The following RORA variants were observed in gnomAD, a reference collection of about 807,000 sequenced individuals.
RORA encodes nuclear receptor ROR-alpha.
RORA carries 7 observed loss-of-function variants against 69.5 expected under a neutral mutation model. That is an observed-to-expected ratio of 0.10 (90% CI 0.06 to 0.19). RORA has a LOEUF of 0.19. Among genes scored for constraint, RORA ranks in the 10% least tolerant of loss-of-function variants. The pLI is 1.00. For synonymous variants in RORA, 261 were observed against 240.8 expected (o/e 1.08, Z -0.78); for missense variants, 457 against 663.0 (o/e 0.69, Z 3.41).
intron 8 of RORA, among the ~76,000 whole-genome samples, 178 bp from the exon 9 acceptor site, chr15:60,501,247 C>T (rs1235766313): frequency 1.3e-5 from 2 of 152,130 alleles, no homozygotes; most frequent in Admixed American, 6.5e-5. Flanking sequence ...AGTAACATTT[C>T]TACAGTATAA....
intron 1 of RORA, among the ~76,000 whole-genome samples, chr15:61,119,414 C>CAA (rs1260156654): frequency 0.012 from 1,692 of 144,110 alleles, 35 homozygotes; most frequent in African/African-American, 0.04. Context: ...TATACACACA[C>CAA]TATATATATA....
chr15:60,856,318 T>G (rs1363774376), intron 1 of RORA, among the ~76,000 whole-genome samples: 1 of 152,230 alleles, frequency 6.6e-6, no homozygotes, highest in African/African-American at 2.4e-5. Flanking sequence ...CAATATTTTC[T>G]TTTCCTCTCA....
At chr15:61,037,854 G>A (rs531754630) in intron 1 of RORA, among the ~76,000 whole-genome samples, 1 of 152,116 alleles carries the variant, frequency 6.6e-6, no homozygotes, top group African/African-American at 2.4e-5. Context: ...AACTCTGATG[G>A]GGGCAGTCAG....
chr15:60,555,294 G>A (rs1372903927), intron 2 of RORA, among the ~76,000 whole-genome samples: 1 of 152,168 alleles, frequency 6.6e-6, no homozygotes, highest in African/African-American at 2.4e-5. Context: ...GCCTTGCTAA[G>A]TTAAAAGTGT....
At position 61,131,922 on chromosome 15, in the gene RORA, G is replaced by A. The variant is rs1408422429; in HGVS notation, c.166+97131C>T. Among the ~76,000 whole-genome samples the A allele has an allele frequency of 2.0e-5, 3 of 152,218 alleles. No homozygotes were observed. Among genetic ancestry groups the A allele is most frequent in the African/African-American group, 7.2e-5 (3 of 41,460 alleles). The stretch of plus-strand genomic sequence containing the variant: ...ACTTGGAAAAAACAGCACTGAATTG[G>A]AACTGGGGGTAGATGCTGTAACCCT... On this transcript the variant is annotated intron_variant, in intron 1 of 10. Transcript: ENST00000335670. This position sits in a 1 kb window ranked among gnomAD's most constrained non-coding sequence, Gnocchi z 4.2.
chr15:61,215,910 A>G (rs1002461186), intron 1 of RORA, among the ~76,000 whole-genome samples: 3 of 152,248 alleles, frequency 2.0e-5, no homozygotes, highest in African/African-American at 4.8e-5. Context: ...CTATTATTAC[A>G]GCATTACTCT....
chr15:60,843,733 C>A (rs145694036), intron 1 of RORA, among the ~76,000 whole-genome samples: 4 of 152,168 alleles, frequency 2.6e-5, no homozygotes, highest in South Asian at 4.1e-4. Context: ...AGGGACAGAA[C>A]GGCTGGCACA....
intron 2 of RORA, among the ~76,000 whole-genome samples, chr15:60,620,950 C>T (rs796283555): frequency 1.8e-4 from 27 of 152,342 alleles, no homozygotes; most frequent in Admixed American, 5.2e-4. Flanking sequence ...GCTGCAATCC[C>T]GGGCTGCGTT....
chr15:61,144,886 G>C (rs1182584850), intron 1 of RORA, among the ~76,000 whole-genome samples: 2 of 152,038 alleles, frequency 1.3e-5, no homozygotes, highest in African/African-American at 2.4e-5. Context: ...AAGAAGGATA[G>C]GAAACTATAA....
chr15:60,760,216 T>C (rs1379558903), intron 1 of RORA, among the ~76,000 whole-genome samples: 1 of 152,132 alleles, frequency 6.6e-6, no homozygotes, highest in Non-Finnish European at 1.5e-5. Flanking sequence ...CAATTGATCG[T>C]TGGGGTGGAG....
chr15:60,644,369 C>T (rs1490323048), intron 2 of RORA, among the ~76,000 whole-genome samples: 2 of 152,224 alleles, frequency 1.3e-5, no homozygotes, highest in East Asian at 1.9e-4. Flanking sequence ...ATGCTAATAA[C>T]ATTCATTGAA....
chr15:60,848,556 T>A (rs341406), intron 1 of RORA: 151,836 of 152,378 alleles, frequency 1, 75,647 homozygotes, highest in Middle Eastern at 1. Context: ...GTGTTAGTCC[T>A]TTCTCACATT....
intron 1 of RORA, among the ~76,000 whole-genome samples, chr15:60,820,202 A>G (rs2072875693): frequency 6.6e-6 from 1 of 152,166 alleles, no homozygotes; most frequent in African/African-American, 2.4e-5. Flanking sequence ...TGGTTCAGGG[A>G]ATTTACAGGG....
At chr15:61,048,763 T>C (rs1897159578) in intron 1 of RORA, among the ~76,000 whole-genome samples, 1 of 152,174 alleles carries the variant, frequency 6.6e-6, no homozygotes, top group South Asian at 2.1e-4. Flanking sequence ...AAGTAGGGGC[T>C]GGCAGGAGAG....
At chr15:60,773,335 C>CTCT (rs2072106753) in intron 1 of RORA, among the ~76,000 whole-genome samples, 1 of 152,076 alleles carries the variant, frequency 6.6e-6, no homozygotes, top group Admixed American at 6.5e-5. Context: ...CTTTCTCTTG[C>CTCT]TCTACATGGA....
chr15:60,938,540 A>G (rs538575076), intron 1 of RORA, among the ~76,000 whole-genome samples: 3 of 152,338 alleles, frequency 2.0e-5, no homozygotes, highest in South Asian at 4.1e-4. Flanking sequence ...ACTTCTGCCA[A>G]TCAAAATTAG....
Position 60,900,766 on chromosome 15 carries a change from G to C in RORA, c.167-222080C>G, listed in dbSNP as rs576163471. On this transcript the variant is annotated intron_variant, in intron 1 of 10. Coordinates refer to ENST00000335670, the MANE Select transcript of RORA (RefSeq NM_134261.3). ...GTGCGCCTGTAGTCCCAGCTACTCG[G>C]GAGGCTGAGGCAGGAGAATTGCTTG... Among the ~76,000 whole-genome samples, 461 of 152,172 alleles carry C rather than the reference G, an allele frequency of 3.0e-3. 1 individual carries two copies. Among genetic ancestry groups the C allele is most frequent in the Non-Finnish European group, 4.5e-3 (309 of 68,000 alleles).
intron 1 of RORA, among the ~76,000 whole-genome samples, chr15:60,893,585 C>T (rs1185509556): frequency 6.6e-6 from 1 of 152,108 alleles, no homozygotes; most frequent in East Asian, 1.9e-4. Context: ...ATCCGTTTGT[C>T]TGGGTGTGTG....
rs562496124 is a variant in RORA, at chr15:61,129,356, A to G, written c.166+99697T>C. ...AAAGAAGCCAGACATAACAGGCCAC[A>G]TATTGTAATGATTCCATTTATACGG... On this transcript the variant is annotated intron_variant, in intron 1 of 10. Transcript: ENST00000335670. Among the ~76,000 whole-genome samples, 26 of 152,312 alleles carry G rather than the reference A, an allele frequency of 1.7e-4. No homozygotes were observed. The East Asian group carries it at 4.0e-3, about 24-fold the overall frequency.
Sources: gnomAD v4.1 joint callset for allele counts (sites outside exome capture counted in the v4.1 genomes callset) on GRCh38, gnomAD v4.1.1 for gene constraint, Gnocchi (gnomAD v3.1) non-coding constraint, MANE v1.5 for transcripts, NCBI Gene and HGNC (gene_info 2026-07-23, HGNC 2026-07-21) for gene names.